Variants in WASF3 observed in about 807,000 individuals in gnomAD.
WASF3 encodes the protein actin-binding protein WASF3.
In WASF3, 11 loss-of-function variants were observed where a neutral mutation model predicts 46.6. That is an observed-to-expected ratio of 0.24 (90% CI 0.15 to 0.39). The LOEUF (loss-of-function observed/expected upper bound fraction) is 0.39, where lower values mean the gene tolerates loss of function less well. Among genes scored for constraint, WASF3 ranks in the 10% least tolerant of loss-of-function variants. WASF3 has a pLI of 1.00. For missense variants in WASF3, 576 were observed against 669.8 expected, an observed-to-expected ratio of 0.86 and a Z score of 1.55; for synonymous variants, 242 against 259.7, an observed-to-expected ratio of 0.93 and a Z score of 0.65.
chr13:26,658,077 C>T (rs1882518398), intron 3 of WASF3, among the ~76,000 whole-genome samples: 2 of 152,090 alleles, frequency 1.3e-5, no homozygotes, highest in South Asian at 4.2e-4. Flanking sequence ...ATGTTGTTCT[C>T]AACAATAGTT....
At chr13:26,589,704 TTAAAA>T (rs776833160) in intron 1 of WASF3, among the ~76,000 whole-genome samples, 29 of 152,212 alleles carry the variant, frequency 1.9e-4, no homozygotes, top group Admixed American at 5.9e-4. Flanking sequence ...ATGTGTGAAC[TTAAAA>T]TAAAATAAAA....
At chr13:26,636,598 T>C (rs1881829642) in intron 2 of WASF3, among the ~76,000 whole-genome samples, 1 of 152,234 alleles carries the variant, frequency 6.6e-6, no homozygotes, top group Non-Finnish European at 1.5e-5. Flanking sequence ...GCGTCGATCA[T>C]GCTGGGAGCT....
chr13:26,644,551 G>A (rs1238843544), intron 3 of WASF3, among the ~76,000 whole-genome samples: 2 of 152,172 alleles, frequency 1.3e-5, no homozygotes, highest in Non-Finnish European at 1.5e-5. Flanking sequence ...GGAATCACCC[G>A]AGAGATTGTG....
intron 3 of WASF3, among the ~76,000 whole-genome samples, chr13:26,648,416 A>G (rs1333676594): frequency 1.3e-5 from 2 of 152,184 alleles, no homozygotes; most frequent in African/African-American, 2.4e-5. Context: ...CAGTTGCTTT[A>G]TATAATTGGA....
chr13:26,668,967 A>G (rs1024383958), intron 5 of WASF3, among the ~76,000 whole-genome samples: 14 of 152,342 alleles, frequency 9.2e-5, no homozygotes, highest in African/African-American at 3.4e-4. Flanking sequence ...ACAATGTAAC[A>G]TGTAGGCTTG....
intron 1 of WASF3, among the ~76,000 whole-genome samples, chr13:26,570,600 C>T (rs1879606162): frequency 6.6e-6 from 1 of 151,994 alleles, no homozygotes; most frequent in Non-Finnish European, 1.5e-5. Context: ...AAATTAATTA[C>T]TCTTTATCAG....
intron 6 of WASF3, among the ~76,000 whole-genome samples, chr13:26,674,673 T>C (rs559229420): frequency 1.5e-4 from 23 of 152,378 alleles, no homozygotes; most frequent in Non-Finnish European, 2.5e-4. Context: ...TTCTGAAATA[T>C]AAATGCTTCA....
chr13:26,656,674 G>GT (rs1882476365), intron 3 of WASF3, among the ~76,000 whole-genome samples: 1 of 151,732 alleles, frequency 6.6e-6, no homozygotes, highest in Non-Finnish European at 1.5e-5. Flanking sequence ...TTCCATTAAA[G>GT]TTTTTAATTT....
At chr13:26,664,896 G>A in intron 3 of WASF3, 132 bp from the exon 4 acceptor site, 1 of 885,546 alleles carries the variant, frequency 1.1e-6, no homozygotes, top group Non-Finnish European at 1.7e-6. Context: ...GCCTTGGACT[G>A]TGACACTTTA....
At chr13:26,654,306 A>T (rs993652345) in intron 3 of WASF3, among the ~76,000 whole-genome samples, 1 of 152,164 alleles carries the variant, frequency 6.6e-6, no homozygotes, top group Admixed American at 6.5e-5. Flanking sequence ...TTCCCTAGAT[A>T]TTCATCTTCC....
chr13:26,570,453 C>T (rs1879601916), intron 1 of WASF3, among the ~76,000 whole-genome samples: 1 of 152,134 alleles, frequency 6.6e-6, no homozygotes, highest in African/African-American at 2.4e-5. Context: ...TTGTAAATAA[C>T]CAGCCTCACT....
intron 2 of WASF3, among the ~76,000 whole-genome samples, chr13:26,620,915 A>C (rs1368279425): frequency 6.6e-6 from 1 of 152,190 alleles, no homozygotes; most frequent in East Asian, 1.9e-4. Flanking sequence ...CATAGACACA[A>C]AGTTGCCTTT....
chr13:26,637,857 C>G (rs898734323), intron 2 of WASF3, among the ~76,000 whole-genome samples: 1 of 152,248 alleles, frequency 6.6e-6, no homozygotes, highest in Non-Finnish European at 1.5e-5. Flanking sequence ...CATCTCACCA[C>G]CTGCTTTCTC....
At chr13:26,552,477 A>G in the WASF3 span, among the ~76,000 whole-genome samples, 2 of 152,190 alleles carry the variant, frequency 1.3e-5, no homozygotes, top group Non-Finnish European at 2.9e-5. Context: ...ATATGTATGT[A>G]TTTATTTCAC....
At chr13:26,662,246 A>T (rs1415588409) in intron 3 of WASF3, among the ~76,000 whole-genome samples, 1 of 152,234 alleles carries the variant, frequency 6.6e-6, no homozygotes, top group East Asian at 1.9e-4. Context: ...GAGTTTGGAG[A>T]TTTCTCAAAG....
chr13:26,550,623 C>T, the WASF3 span, among the ~76,000 whole-genome samples: 5 of 152,186 alleles, frequency 3.3e-5, no homozygotes, highest in Non-Finnish European at 7.3e-5. Context: ...TGCCATCCCC[C>T]TTCCTCCCAA....
intron 3 of WASF3, among the ~76,000 whole-genome samples, chr13:26,653,992 A>G (rs527980078): frequency 5.9e-5 from 9 of 152,206 alleles, no homozygotes; most frequent in African/African-American, 1.7e-4. Context: ...TTTCTCTCCT[A>G]TCAGAGACAT....
intron 6 of WASF3, among the ~76,000 whole-genome samples, 155 bp from the exon 7 acceptor site, chr13:26,676,394 C>T (rs1883069068): frequency 6.6e-6 from 1 of 152,298 alleles, no homozygotes; most frequent in East Asian, 1.9e-4. Flanking sequence ...GAGGAGTGCA[C>T]TGCTTTAGAG....
At chr13:26,643,983 G>T (rs1882076486) in intron 3 of WASF3, among the ~76,000 whole-genome samples, 1 of 152,212 alleles carries the variant, frequency 6.6e-6, no homozygotes, top group South Asian at 2.1e-4. Context: ...TTGCTAGTCA[G>T]CTTACTTTAA....
Sources: gnomAD v4.1 joint callset for allele counts (sites outside exome capture counted in the v4.1 genomes callset) on GRCh38, gnomAD v4.1.1 for gene constraint, MANE v1.5 for transcripts, NCBI Gene and HGNC (gene_info 2026-07-23, HGNC 2026-07-21) for gene names.